Variants in ABCA2 observed in about 807,000 individuals in gnomAD.
ABCA2 encodes ATP binding cassette subfamily A member 2.
In ABCA2, 84 loss-of-function variants were observed where a neutral mutation model predicts 262.8. That is an observed-to-expected ratio of 0.32 (90% confidence interval 0.27 to 0.38). ABCA2 has a LOEUF of 0.38. Ranked by LOEUF, ABCA2 falls within the 10% of genes least tolerant of loss-of-function variation. ABCA2 has a pLI of 1.00. For missense variants in ABCA2, 2,662 were observed against 3,405.9 expected (o/e 0.78, Z 5.44); for synonymous variants, 1,696 against 1,502.9 (o/e 1.13, Z -2.97).
At position 137,018,158 on chromosome 9, in the gene ABCA2, C is replaced by A. The variant is rs752176594; in HGVS notation, c.1993+20G>T. 2.4e-5 allele frequency: 39 copies of A among 1,610,892 alleles called. No homozygotes were observed. Among genetic ancestry groups the A allele is most frequent in the Non-Finnish European group, 3.4e-6 (4 of 1,178,926 alleles). ...CTCCCCCATGAATCCTCCAGCCGGT[C>A]TTCCGGGCCTGCTCCTCACCCTGGA... On this transcript the variant is annotated intron_variant, in intron 14 of 48. Transcript: ENST00000341511.
Position 137,008,592 on chromosome 9 carries a change from C to T in ABCA2, c.7099G>A (p.Asp2367Asn), listed in dbSNP as rs375710175. ...TCCGTCTCCTGCTGCTCCAGGTTGT[C>T]ACTCTGCTTCTTGGCAAAGTTCACG... ...VFVNFAKKQS[D>N]NLEQQETEPP... Residue 2367 changes from aspartate (D) to asparagine (N), a missense_variant, in exon 48 of 49, where the codon GAC becomes AAC. By Grantham distance (23) the Asp-to-Asn change is conservative. Transcript: ENST00000341511. 9 of 1,609,798 alleles carry T rather than the reference C, an allele frequency of 5.6e-6. No homozygotes were observed. Among genetic ancestry groups the T allele is most frequent in the Non-Finnish European group, 7.6e-6 (9 of 1,178,708 alleles).
intron 17 of ABCA2, 37 bp from the exon 18 acceptor site, chr9:137,017,383 C>G: frequency 6.2e-7 from 1 of 1,609,262 alleles, no homozygotes; most frequent in Non-Finnish European, 8.5e-7. Context: ...GTCATCCACC[C>G]GCACGCCCGG....
Position 137,011,605 on chromosome 9 carries a change from AG to A in ABCA2, c.5651+28del. The stretch of plus-strand genomic sequence containing the variant: ...CACCAGGCAGCCCCGGTCCCACCTG[AG>A]GCCGCTCCCCCCTCCGCTTCCGCTT... On this transcript the variant is annotated intron_variant, in intron 36 of 48. Transcript: ENST00000341511. The surrounding 1 kb of genome is among the most constrained non-coding windows in gnomAD (Gnocchi z 8.8). 1 of 1,554,540 alleles carries A rather than the reference AG, an allele frequency of 6.4e-7. No individual in the cohort carries two copies. Among genetic ancestry groups the A allele is most frequent in the African/African-American group, 1.4e-5 (1 of 73,338 alleles).
At chr9:137,016,544 C>G in intron 20 of ABCA2, 30 bp downstream of exon 20, 1 of 1,612,160 alleles carries the variant, frequency 6.2e-7, no homozygotes, top group South Asian at 1.1e-5. Context: ...CCAGCGCCCA[C>G]CCCAGCCACC....
At position 137,018,062 on chromosome 9, in the gene ABCA2, G is replaced by T. The variant is rs369630109; in HGVS notation, c.2007C>A (p.Arg669=). 111 of 1,612,390 alleles carry T rather than the reference G, an allele frequency of 6.9e-5. No individual in the cohort carries two copies. Among genetic ancestry groups the T allele is most frequent in the Non-Finnish European group, 9.2e-5 (108 of 1,179,894 alleles). ...GCCCCACAAAAGTGTCGATGATGGC[G>T]CGCTCCATCATGTCTGTGGGTGGGG... is the stretch of plus-strand genomic sequence containing the variant. ...GFVWIQDMME[R]AIIDTFVGHD... The change falls in exon 15 of 49, where the codon CGC becomes CGA. Residue 669 remains arginine (R), a synonymous_variant. Transcript: ENST00000341511.
chr9:137,017,367 C>G (rs369401497), intron 17 of ABCA2, 21 bp from the exon 18 acceptor site: 2 of 1,611,472 alleles, frequency 1.2e-6, no homozygotes, highest in Non-Finnish European at 8.5e-7. Flanking sequence ...AGGGGCCACG[C>G]GCACCGTCAT....
In ABCA2 at chr9:137,007,853, T is replaced by C; in HGVS notation, c.*76A>G. On this transcript the variant is annotated 3_prime_UTR_variant, in exon 49 of 49. Coordinates refer to ENST00000341511, the MANE Select transcript of ABCA2 (RefSeq NM_001606.5). ...GCCCTGGCAGGCACTGGGGGACTTC[T>C]GTCCCCATTGTTGAGTCCCTGGCCC... The C allele has an allele frequency of 6.4e-7, 1 of 1,572,128 alleles. No homozygotes were observed. The highest frequency in any genetic ancestry group is 1.7e-5 in the Admixed American group (1 of 58,522).
At chr9:137,022,504 A>G in intron 5 of ABCA2, 26 bp from the exon 6 acceptor site, 1 of 1,606,680 alleles carries the variant, frequency 6.2e-7, no homozygotes, top group Middle Eastern at 1.7e-4. Context: ...GGCGAGGCTG[A>G]GAGGCCGCTG....
chr9:137,021,544 G>A lies in ABCA2; in HGVS notation c.745C>T (p.Arg249Trp), dbSNP rs758469267. Residue 249 changes from arginine (R) to tryptophan (W), a missense_variant, in exon 8 of 49, where the codon CGG becomes TGG. Coordinates refer to ENST00000341511, the MANE Select transcript of ABCA2 (RefSeq NM_001606.5). This position sits in a 1 kb window ranked among gnomAD's most constrained non-coding sequence, Gnocchi z 6.0. ...TGACTCTCAGGCACAGTGAGGATCCGGCCCAGCTCCCCCGAGCCCGGCGTG... is the reference window on the plus strand; with the variant it reads ...TGACTCTCAGGCACAGTGAGGATCCAGCCCAGCTCCCCCGAGCCCGGCGTG... ...TCTPGSGELG[R>W]ILTVPESQKG... 1.2e-5 allele frequency: 19 copies of A among 1,592,910 alleles called. No homozygotes were observed. The highest frequency in any genetic ancestry group is 2.3e-5 in the East Asian group (1 of 43,516).
rs1831205496 is a variant in ABCA2, at chr9:137,015,021, G to A, written c.3774C>T (p.Ile1258=). Residue 1258 remains isoleucine (I), a synonymous_variant, in exon 25 of 49, where the codon ATC becomes ATT. Coordinates refer to ENST00000341511, the MANE Select transcript of ABCA2 (RefSeq NM_001606.5). ...GCAGGCAGGAGGCCACATGCTTGCG[G>A]ATGAACTGGGACACCTGGAGCTCGG... ...SCSELQVSQF[I]RKHVASCLLV... 4 of 1,606,978 alleles carry A rather than the reference G, an allele frequency of 2.5e-6. No homozygotes were observed. Among genetic ancestry groups the A allele is most frequent in the Non-Finnish European group, 2.5e-6 (3 of 1,176,894 alleles).
chr9:137,024,309 G>A, intron 1 of ABCA2, 73 bp from the exon 2 acceptor site: 1 of 1,363,334 alleles, frequency 7.3e-7, no homozygotes, highest in Non-Finnish European at 1.0e-6. Context: ...CTCCCATAGG[G>A]CTGGCCCAGC....
At position 137,012,386 on chromosome 9, in the gene ABCA2, G is replaced by A. The variant is rs551829099; in HGVS notation, c.5188-10C>T. The A allele has an allele frequency of 8.9e-5, 144 of 1,611,182 alleles. No individual in the cohort carries two copies. The highest frequency in any genetic ancestry group is 1.6e-4 in the Middle Eastern group (1 of 6,082). ...TGTTGTTGTAGAAAACCTGCAGAAGGAAGAGGACACAGAAAGGCCCCAGGA... is the reference window on the plus strand; with the variant it reads ...TGTTGTTGTAGAAAACCTGCAGAAGAAAGAGGACACAGAAAGGCCCCAGGA... On this transcript the variant is annotated splice_polypyrimidine_tract_variant and intron_variant, in intron 32 of 48. Transcript: ENST00000341511.
In ABCA2 at chr9:137,018,947, T is replaced by C; in HGVS notation, c.1678A>G (p.Thr560Ala). 5.0e-6 allele frequency: 8 copies of C among 1,612,900 alleles called. No individual in the cohort carries two copies. Among genetic ancestry groups the C allele is most frequent in the Non-Finnish European group, 6.8e-6 (8 of 1,179,856 alleles). Residue 560 changes from threonine to alanine, a missense_variant, in exon 12 of 49, where the codon ACC (threonine) becomes GCC (alanine). Around this residue, in one of 12 missense-constraint regions of ABCA2, gnomAD observed 187 missense variants for 205.9 expected, o/e 0.91. Coordinates refer to ENST00000341511, the MANE Select transcript of ABCA2 (RefSeq NM_001606.5). The part of the protein sequence containing the change: ...SGMALLQQLD[T>A]IDNAACGWIQ... ...CAGCCGCAGGCCGCGTTGTCAATGG[T>C]ATCCAGCTGCTGCAGGAGGGCCATG...
Position 137,010,314 on chromosome 9 carries a change from C to A in ABCA2, c.6232G>T (p.Val2078Leu). 2 of 1,590,268 alleles carry A rather than the reference C, an allele frequency of 1.3e-6. No homozygotes were observed. The highest frequency in any genetic ancestry group is 1.7e-6 in the Non-Finnish European group (2 of 1,169,264). Residue 2078 changes from valine (V) to leucine (L), a missense_variant, in exon 41 of 49, where the codon GTG becomes TTG. Physicochemically the swap from Val to Leu is conservative, Grantham distance 32 (BLOSUM62 1). Around this residue, in one of 12 missense-constraint regions of ABCA2, gnomAD observed 602 missense variants for 897.4 expected, o/e 0.67. Transcript: ENST00000341511. ...ILAVDRLCLGVRPGECFGLLG... is the reference protein window; with the variant it reads ...ILAVDRLCLGLRPGECFGLLG... ...AGCCCGAAGCACTCGCCAGGACGCA[C>A]ACCCAGGCACAGGCGGTCAACGGCC...
At position 137,009,003 on chromosome 9, in the gene ABCA2, A is replaced by C. The variant is rs770048006; in HGVS notation, c.6878T>G (p.Val2293Gly). 8 of 1,604,018 alleles carry C rather than the reference A, an allele frequency of 5.0e-6. No homozygotes were observed. The highest frequency in any genetic ancestry group is 6.8e-6 in the Non-Finnish European group (8 of 1,179,170). The change falls in exon 46 of 49, where the codon GTG becomes GGG. Residue 2293 changes from valine to glycine, a missense_variant. This residue lies in a region of ABCA2 where 212 missense variants were observed against 214.4 expected (regional missense o/e 0.99). Coordinates refer to ENST00000341511, the MANE Select transcript of ABCA2 (RefSeq NM_001606.5). ...ITVRTKSSQS[V>G]KDVVRFFNRN... ...GTTGAAGAACCGCACCACGTCCTTC[A>C]CACTCTGGCTGCTCTTGGTCCGCAC... is the stretch of plus-strand genomic sequence containing the variant.
In ABCA2 at chr9:137,008,292, T is replaced by G. The variant is rs945145385; in HGVS notation, c.7275+124A>C. On this transcript the variant is annotated intron_variant, in intron 48 of 48. Transcript: ENST00000341511. The stretch of plus-strand genomic sequence containing the variant: ...AGTGTCCCTCGCCCACTCTGCCCCC[T>G]TGACCTCTGGACAGCAAGCATCCTG... The G allele has an allele frequency of 1.5e-5, 17 of 1,162,538 alleles. No individual in the cohort carries two copies. In the African/African-American group the frequency reaches 2.4e-4, roughly 17 times the overall value. The allele number at this position is 1,162,538 out of a possible 1,614,324, so 72.0% of individuals were successfully genotyped here. A position where few individuals can be genotyped will look rare whatever the true frequency, so the allele number is the denominator to read the frequency against.
chr9:137,020,595 G>A (rs1415242763), intron 9 of ABCA2, 99 bp downstream of exon 9: 2 of 1,551,966 alleles, frequency 1.3e-6, no homozygotes, highest in African/African-American at 2.7e-5. Flanking sequence ...GCACAGGGCA[G>A]GGCGCCAAAT....
intron 13 of ABCA2, 41 bp downstream of exon 13, chr9:137,018,678 G>A (rs1392158721): frequency 6.6e-7 from 1 of 1,504,848 alleles, no homozygotes; most frequent in Non-Finnish European, 9.0e-7. Flanking sequence ...GGGAGGAAGA[G>A]GTCTGTGGGG....
Position 137,011,833 on chromosome 9 carries a change from G to A in ABCA2, c.5535+11C>T, listed in dbSNP as rs565882351. 70 of 1,570,484 alleles carry A rather than the reference G, an allele frequency of 4.5e-5. No individual in the cohort carries two copies. Among genetic ancestry groups the A allele is most frequent in the Middle Eastern group, 3.3e-4 (2 of 6,012 alleles). ...AAGGGCCGGGGCACCCCATGGCCAC[G>A]CCGGGCGCACCATGTCCCACACGTA... On this transcript the variant is annotated intron_variant, in intron 35 of 48. Transcript: ENST00000341511. This position sits in a 1 kb window ranked among gnomAD's most constrained non-coding sequence, Gnocchi z 8.8.
Sources: gnomAD v4.1 joint callset for allele counts on GRCh38, gnomAD v4.1.1 for gene constraint, gnomAD v4.1.1 regional missense constraint, Gnocchi (gnomAD v3.1) non-coding constraint, MANE v1.5 for transcripts, NCBI Gene and HGNC (gene_info 2026-07-23, HGNC 2026-07-21) for gene names.